AKT1S1: variants seen among roughly 807,000 people sequenced by gnomAD.
AKT1S1 encodes AKT1 substrate 1.
In AKT1S1, 17 loss-of-function variants were observed where a neutral mutation model predicts 21.2. The observed-to-expected ratio is 0.80, with a 90% CI of 0.55 to 1.20. The LOEUF (loss-of-function observed/expected upper bound fraction) is 1.20, where lower values mean the gene tolerates loss of function less well. Among genes scored for constraint, AKT1S1 ranks in the 50% most tolerant of loss-of-function variants. The pLI, the probability that AKT1S1 is intolerant of heterozygous loss-of-function variation, is 0.00. For missense variants in AKT1S1, 366 were observed against 368.3 expected, an observed-to-expected ratio of 0.99 and a Z score of 0.05; for synonymous variants, 181 against 165.6, an observed-to-expected ratio of 1.09 and a Z score of -0.72.
upstream of AKT1S1, chr19:49,877,628 A>G (rs1319120236): frequency 7.1e-6 from 10 of 1,409,754 alleles, no homozygotes; most frequent in Non-Finnish European, 9.7e-6. Flanking sequence ...GGCCGCTACC[A>G]CTGTCCGGCC....
At position 49,871,547 on chromosome 19, in the gene AKT1S1, C is replaced by T. The variant is rs199687596; in HGVS notation, c.627G>A (p.Pro209=). 35 of 1,613,970 alleles carry T rather than the reference C, an allele frequency of 2.2e-5. No homozygotes were observed. Among genetic ancestry groups the T allele is most frequent in the African/African-American group, 5.3e-5 (4 of 75,016 alleles). Residue 209 remains proline, a splice_region_variant and synonymous_variant, in exon 4 of 5, where the codon CCG becomes CCA. Coordinates refer to ENST00000344175, the MANE Select transcript of AKT1S1 (RefSeq NM_001098633.4). ...CTACCTCCCCACATTTGCCCCTCAC[C>T]GGCCCATTCTCCTCATCTGATGACC... ...EARSSDEENG[P]PSSPDLDRIA... is the part of the protein sequence containing the mutation.
chr19:49,878,280 CGGGATGCAGGCGGTCT>C (rs751940103), upstream of AKT1S1: 19 of 1,536,084 alleles, frequency 1.2e-5, no homozygotes, highest in East Asian at 2.7e-4. Context: ...CCGCTCCGAG[CGGGATGCAGGCGGTCT>C]GGGATGCAGG....
chr19:49,876,646 CA>C, intron 1 of AKT1S1: 2 of 1,510,972 alleles, frequency 1.3e-6, no homozygotes, highest in Non-Finnish European at 8.9e-7. Flanking sequence ...TCACCGCCCT[CA>C]AAAGACATGG....
chr19:49,876,704 A>T, intron 1 of AKT1S1: 5 of 1,435,598 alleles, frequency 3.5e-6, no homozygotes. Flanking sequence ...TCCTCTCCGC[A>T]CACTCCGCCT....
In AKT1S1 at chr19:49,873,523, CCTCCTGCCCCAAGTCACTGTA is replaced by C. The variant is rs2074909609; in HGVS notation, c.-7-242_-7-222del. On this transcript the variant is annotated intron_variant, in intron 1 of 4. Coordinates refer to ENST00000344175, the MANE Select transcript of AKT1S1 (RefSeq NM_001098633.4). This position sits in a 1 kb window ranked among gnomAD's most constrained non-coding sequence, Gnocchi z 6.9. ...GCGACGTCCTCTGCCCCAACCCATT[CCTCCTGCCCCAAGTCACTGTA>C]CTCCTTCCCCTTTGGCCCTGCCCTG... The C allele has an allele frequency of 1.2e-6, 1 of 801,088 alleles. No homozygotes were observed. Among genetic ancestry groups the C allele is most frequent in the Non-Finnish European group, 1.8e-6 (1 of 564,874 alleles). The allele number at this position is 801,088 out of a possible 1,614,324, so 49.6% of individuals were successfully genotyped here.
Position 49,869,763 on chromosome 19 carries a change from A to G in AKT1S1, c.*154T>C, listed in dbSNP as rs2074860880. 1.1e-6 allele frequency: 1 copy of G among 921,580 alleles called. No individual in the cohort carries two copies. 57.1% of individuals were successfully genotyped at this position (921,580 alleles called of 1,614,324 possible). On this transcript the variant is annotated 3_prime_UTR_variant, in exon 5 of 5. Transcript: ENST00000344175. ...GCGCGGCAGGTCGTGGGCTGGAAGG[A>G]CGGCGGGGATTGGCAGAGGCGGGAC...
At chr19:49,870,247 C>T (rs2074869424) in intron 4 of AKT1S1, among the ~76,000 whole-genome samples, 187 bp from the exon 5 acceptor site, 3 of 151,966 alleles carry the variant, frequency 2.0e-5, no homozygotes, top group Non-Finnish European at 4.4e-5. Flanking sequence ...AACCCTTCTA[C>T]CCGGTTCAGA....
chr19:49,876,692 C>G lies in AKT1S1; in HGVS notation c.-8+545G>C, dbSNP rs865922611. 12 of 1,458,994 alleles carry G rather than the reference C, an allele frequency of 8.2e-6. No individual in the cohort carries two copies. In the Middle Eastern group the frequency reaches 2.0e-3, roughly 238 times the overall value. The allele number at this position is 1,458,994 out of a possible 1,614,324, so 90.4% of individuals were successfully genotyped here. A position where few individuals can be genotyped will look rare whatever the true frequency, so the allele number is the denominator to read the frequency against. On this transcript the variant is annotated intron_variant, in intron 1 of 4. Coordinates refer to ENST00000344175, the MANE Select transcript of AKT1S1 (RefSeq NM_001098633.4). ...GCGTCACGTCCGCGCAGTTGCCCCG[C>G]CTCCTCTCCGCACACTCCGCCTCCC...
Position 49,873,185 on chromosome 19 carries a change from T to TGGC in AKT1S1, c.108_110dup (p.Pro39dup). 7.2e-6 allele frequency: 11 copies of TGGC among 1,531,792 alleles called. No homozygotes were observed. Among genetic ancestry groups the TGGC allele is most frequent in the Non-Finnish European group, 9.6e-6 (11 of 1,146,324 alleles). The allele number at this position is 1,531,792 out of a possible 1,614,324, so 94.9% of individuals were successfully genotyped here. On this transcript the variant is annotated inframe_insertion, in exon 2 of 5. Transcript: ENST00000344175. This position sits in a 1 kb window ranked among gnomAD's most constrained non-coding sequence, Gnocchi z 6.9. ...AGGCACAGGGGCCCGGGCGGGGTGG[T>TGGC]GGCGGCGGGGCCGCGGTCAGCAGCA...
chr19:49,870,379 G>A (rs1244710156), intron 4 of AKT1S1, among the ~76,000 whole-genome samples: 1 of 152,234 alleles, frequency 6.6e-6, no homozygotes, highest in East Asian at 1.9e-4. Context: ...ACCGTCTCAT[G>A]TCTGAGGATC....
intron 4 of AKT1S1, among the ~76,000 whole-genome samples, chr19:49,871,107 C>G (rs369777949): frequency 1.3e-5 from 2 of 152,276 alleles, no homozygotes; most frequent in East Asian, 3.9e-4. Context: ...GGAGGACCCA[C>G]CTAGGCCAGC....
rs1406985141 is a variant in AKT1S1 at position 49,871,539 on chromosome 19, C to T, written c.627+8G>A. 1 of 1,613,824 alleles carries T rather than the reference C, an allele frequency of 6.2e-7. No individual in the cohort carries two copies. Among genetic ancestry groups the T allele is most frequent in the Non-Finnish European group, 8.5e-7 (1 of 1,180,008 alleles). Reference sequence around the variant, plus strand: ...TGCCCTCCCTACCTCCCCACATTTGCCCCTCACCGGCCCATTCTCCTCATC... The same window carrying T: ...TGCCCTCCCTACCTCCCCACATTTGTCCCTCACCGGCCCATTCTCCTCATC... On this transcript the variant is annotated splice_region_variant and intron_variant, in intron 4 of 4. Coordinates refer to ENST00000344175, the MANE Select transcript of AKT1S1 (RefSeq NM_001098633.4).
Position 49,873,644 on chromosome 19 carries a change from G to T in AKT1S1, c.-7-342C>A. On this transcript the variant is annotated intron_variant, in intron 1 of 4. Coordinates refer to ENST00000344175, the MANE Select transcript of AKT1S1 (RefSeq NM_001098633.4). This position sits in a 1 kb window ranked among gnomAD's most constrained non-coding sequence, Gnocchi z 6.9. ...CAGGGAGTCCTAGCAGAGAGTCCTA[G>T]CAGAGAGGCCTCTAACAATAAAACC... The T allele has an allele frequency of 3.5e-6, 1 of 287,298 alleles. No homozygotes were observed. Among genetic ancestry groups the T allele is most frequent in the Non-Finnish European group, 6.5e-6 (1 of 154,874 alleles). 17.8% of individuals were successfully genotyped at this position (287,298 alleles called of 1,614,324 possible).
At chr19:49,877,931 C>G, upstream of AKT1S1, 1 of 782,532 alleles carries the variant, frequency 1.3e-6, no homozygotes, top group South Asian at 1.9e-5. Context: ...CCCCGCCCCC[C>G]CGGCTCAGGC....
chr19:49,870,735 C>T (rs1300204864), intron 4 of AKT1S1, among the ~76,000 whole-genome samples: 2 of 152,184 alleles, frequency 1.3e-5, no homozygotes, highest in Non-Finnish European at 2.9e-5. Flanking sequence ...GAGACCAGCC[C>T]CCGGGCACAG....
At chr19:49,876,222 C>A (rs1357688521) in intron 1 of AKT1S1, 2 of 1,052,472 alleles carry the variant, frequency 1.9e-6, no homozygotes, top group African/African-American at 3.3e-5. Flanking sequence ...CAGGGAGGAC[C>A]CACTGGTCTA....
chr19:49,871,530 C>T lies in AKT1S1; in HGVS notation c.627+17G>A, dbSNP rs2074883056. On this transcript the variant is annotated intron_variant, in intron 4 of 4. Coordinates refer to ENST00000344175, the MANE Select transcript of AKT1S1 (RefSeq NM_001098633.4). ...CCTTCCAGCTGCCCTCCCTACCTCC[C>T]CACATTTGCCCCTCACCGGCCCATT... The T allele has an allele frequency of 6.2e-7, 1 of 1,613,678 alleles. No individual in the cohort carries two copies. Among genetic ancestry groups the T allele is most frequent in the Non-Finnish European group, 8.5e-7 (1 of 1,180,010 alleles).
chr19:49,876,622 C>T, intron 1 of AKT1S1: 1 of 1,532,820 alleles, frequency 6.5e-7, no homozygotes, highest in Admixed American at 2.1e-5. Flanking sequence ...GCCAGCATGG[C>T]CGGCCCGGCG....
upstream of AKT1S1, chr19:49,877,506 C>A: frequency 1.8e-6 from 1 of 551,078 alleles, no homozygotes; most frequent in Non-Finnish European, 3.2e-6. Context: ...TCTCCGTAGC[C>A]GGATCCACCT....
Sources: allele counts gnomAD v4.1 joint callset (sites outside exome capture counted in the v4.1 genomes callset), GRCh38; gene constraint gnomAD v4.1.1; non-coding constraint Gnocchi (gnomAD v3.1); transcripts MANE v1.5; gene names NCBI Gene and HGNC (gene_info 2026-07-23, HGNC 2026-07-21).